ARHGEF3: variants seen among roughly 807,000 people sequenced by gnomAD.
ARHGEF3 encodes the protein Rho guanine nucleotide exchange factor 3.
In ARHGEF3, 28 loss-of-function variants were observed where a neutral mutation model predicts 63.2. That is an observed-to-expected ratio of 0.44 (90% CI 0.33 to 0.61). ARHGEF3 has a LOEUF of 0.61. Among genes scored for constraint, ARHGEF3 ranks in the 20% least tolerant of loss-of-function variants. ARHGEF3 has a pLI of 0.03. For missense variants in ARHGEF3, 533 were observed against 659.3 expected (o/e 0.81, Z 2.10); for synonymous variants, 266 against 254.2 (o/e 1.05, Z -0.44).
chr3:56,911,898 A>G (rs7647493), intron 3 of ARHGEF3, among the ~76,000 whole-genome samples: 7,223 of 151,532 alleles, frequency 0.048, 583 homozygotes, highest in African/African-American at 0.16. Flanking sequence ...ATGCCACTGC[A>G]CTCCAGCCTG....
intron 8 of ARHGEF3, 119 bp downstream of exon 8, chr3:56,737,066 T>C: frequency 8.7e-7 from 1 of 1,152,120 alleles, no homozygotes; most frequent in Non-Finnish European, 1.2e-6. Flanking sequence ...AAAGCGAGAC[T>C]CCATCTCAAA....
intron 2 of ARHGEF3, among the ~76,000 whole-genome samples, chr3:56,999,346 C>T (rs917446860): frequency 2.6e-5 from 4 of 152,078 alleles, no homozygotes; most frequent in Non-Finnish European, 5.9e-5. Context: ...CCACCACACC[C>T]GGATGAGCTA....
At chr3:57,059,431 G>C (rs1705100266) in intron 1 of ARHGEF3, among the ~76,000 whole-genome samples, 1 of 147,196 alleles carries the variant, frequency 6.8e-6, no homozygotes, top group Non-Finnish European at 1.5e-5. Flanking sequence ...ATTTGTATTG[G>C]GCCACATGTT....
chr3:57,042,197 G>T (rs1287483061), intron 1 of ARHGEF3, among the ~76,000 whole-genome samples: 3 of 152,104 alleles, frequency 2.0e-5, no homozygotes, highest in African/African-American at 7.2e-5. Context: ...CTACTATGAG[G>T]AGACATACCC....
intron 4 of ARHGEF3, among the ~76,000 whole-genome samples, chr3:56,867,677 C>T (rs1294205086): frequency 6.6e-6 from 1 of 152,084 alleles, no homozygotes; most frequent in Non-Finnish European, 1.5e-5. Flanking sequence ...CGTCGTGTTG[C>T]CCAGGTTGGT....
chr3:57,003,731 G>T (rs1024539768), intron 2 of ARHGEF3, among the ~76,000 whole-genome samples: 2 of 152,274 alleles, frequency 1.3e-5, no homozygotes, highest in East Asian at 3.9e-4. Flanking sequence ...GAAGCAAGAA[G>T]GTCCGAGCAG....
chr3:57,002,497 GTTATATA>G (rs1560123010), intron 2 of ARHGEF3, among the ~76,000 whole-genome samples: 3 of 15,292 alleles, frequency 2.0e-4, no homozygotes, highest in African/African-American at 2.4e-4. Flanking sequence ...ATATATATAT[GTTATATA>G]TATATATATG....
intron 8 of ARHGEF3, among the ~76,000 whole-genome samples, chr3:56,735,471 A>T (rs145923232): frequency 9.3e-4 from 142 of 152,126 alleles, no homozygotes; most frequent in Non-Finnish European, 1.5e-3. Context: ...CACCCCAACT[A>T]TCTTTGTTCT....
At chr3:56,937,637 C>T (rs955823300) in intron 3 of ARHGEF3, among the ~76,000 whole-genome samples, 2 of 152,186 alleles carry the variant, frequency 1.3e-5, no homozygotes, top group Non-Finnish European at 2.9e-5. Context: ...TCAATAATGC[C>T]TCCTCCCTGC....
intron 3 of ARHGEF3, among the ~76,000 whole-genome samples, chr3:56,921,046 C>G (rs1180739515): frequency 3.4e-5 from 4 of 117,104 alleles, no homozygotes; most frequent in Non-Finnish European, 6.6e-5. Context: ...CAGAGCGAGA[C>G]TCCATCTCAA....
At chr3:56,802,051 C>T, upstream of ARHGEF3, 1 of 1,336,712 alleles carries the variant, frequency 7.5e-7, no homozygotes, top group East Asian at 3.1e-5. Flanking sequence ...CCGGGAGGGC[C>T]CACGTGCCGC....
At chr3:57,052,304 C>T (rs565067371) in intron 1 of ARHGEF3, among the ~76,000 whole-genome samples, 2 of 152,208 alleles carry the variant, frequency 1.3e-5, no homozygotes, top group African/African-American at 4.8e-5. Context: ...AGCCTACATT[C>T]TTTTCTTTTT....
At chr3:56,996,121 A>T (rs1261623483) in intron 2 of ARHGEF3, among the ~76,000 whole-genome samples, 2 of 152,094 alleles carry the variant, frequency 1.3e-5, no homozygotes, top group African/African-American at 4.8e-5. Flanking sequence ...CATTTTGTAG[A>T]CCTAGAGACT....
At chr3:56,967,867 TA>T (rs1700640913) in intron 2 of ARHGEF3, among the ~76,000 whole-genome samples, 3 of 73,962 alleles carry the variant, frequency 4.1e-5, no homozygotes, top group African/African-American at 5.5e-5. Flanking sequence ...TAATGACATA[TA>T]TAATATATAA....
At chr3:57,007,025 G>A (rs182755834) in intron 2 of ARHGEF3, among the ~76,000 whole-genome samples, 1 of 152,180 alleles carries the variant, frequency 6.6e-6, no homozygotes, top group Admixed American at 6.5e-5. Flanking sequence ...CACAGGGGGC[G>A]CTCCTGGGGC....
chr3:57,024,298 TA>T (rs57220752), intron 2 of ARHGEF3, among the ~76,000 whole-genome samples: 2,284 of 141,634 alleles, frequency 0.016, 60 homozygotes, highest in African/African-American at 0.053. Flanking sequence ...GGAAAGATAT[TA>T]AAAAAAAAAA....
chr3:56,776,302 T>C (rs559165702), intron 1 of ARHGEF3, among the ~76,000 whole-genome samples: 1 of 152,348 alleles, frequency 6.6e-6, no homozygotes, highest in African/African-American at 2.4e-5. Context: ...CGTGAGATTG[T>C]AATTAAAACT....
intron 1 of ARHGEF3, among the ~76,000 whole-genome samples, chr3:57,065,341 G>T (rs1398604473): frequency 6.6e-6 from 1 of 152,092 alleles, no homozygotes. Flanking sequence ...TGCACCTGTA[G>T]TCCCAGCTAC....
At chr3:56,752,704 A>G (rs1346515185) in intron 4 of ARHGEF3, among the ~76,000 whole-genome samples, 1 of 152,260 alleles carries the variant, frequency 6.6e-6, no homozygotes, top group Non-Finnish European at 1.5e-5. Context: ...CACCAGCATG[A>G]TAACTCTCAG....
Sources: allele counts gnomAD v4.1 joint callset (sites outside exome capture counted in the v4.1 genomes callset), GRCh38; gene constraint gnomAD v4.1.1; transcripts MANE v1.5; gene names NCBI Gene and HGNC (gene_info 2026-07-23, HGNC 2026-07-21).